The following SMAD3 variants were observed in gnomAD, a reference collection of about 807,000 sequenced individuals.
The protein encoded by SMAD3 is MAD homolog 3.
Under a neutral mutation model 51.8 loss-of-function variants are expected in SMAD3, and 12 were observed. That is an observed-to-expected ratio of 0.23 (90% CI 0.15 to 0.38). The LOEUF (loss-of-function observed/expected upper bound fraction) is 0.38, where lower values mean the gene tolerates loss of function less well. Ranked by LOEUF, SMAD3 falls within the 10% of genes least tolerant of loss-of-function variation. The pLI is 1.00. For synonymous variants in SMAD3, 238 were observed against 227.7 expected (o/e 1.05, Z -0.41); for missense variants, 294 against 565.6 (o/e 0.52, Z 4.87).
At chr15:67,119,803 AT>A (rs1303312814) in intron 1 of SMAD3, among the ~76,000 whole-genome samples, 2 of 150,134 alleles carry the variant, frequency 1.3e-5, no homozygotes, top group Non-Finnish European at 3.0e-5. Flanking sequence ...AAGACTTTGA[AT>A]TTTTTTTTTG....
chr15:67,103,055 G>C (rs1271839628), intron 1 of SMAD3, among the ~76,000 whole-genome samples: 1 of 152,066 alleles, frequency 6.6e-6, no homozygotes, highest in Admixed American at 6.6e-5. Context: ...TACGTGCTCA[G>C]TACACATTTT....
At chr15:67,181,976 G>A (rs755214309) in intron 6 of SMAD3, among the ~76,000 whole-genome samples, 10 of 152,134 alleles carry the variant, frequency 6.6e-5, no homozygotes, top group South Asian at 4.2e-4. Context: ...TAGTAGAGAC[G>A]GGGTTTCTCC....
chr15:67,096,948 G>T (rs1960627871), intron 1 of SMAD3, among the ~76,000 whole-genome samples: 1 of 152,218 alleles, frequency 6.6e-6, no homozygotes, highest in African/African-American at 2.4e-5. Context: ...CTTGTTGAAG[G>T]TGCTTTGGGG....
At chr15:67,182,806 T>TA (rs1424994357) in intron 6 of SMAD3, among the ~76,000 whole-genome samples, 2 of 151,332 alleles carry the variant, frequency 1.3e-5, no homozygotes, top group Admixed American at 6.6e-5. Flanking sequence ...TCAAAAAAGA[T>TA]ACTTATTCTG....
chr15:67,172,107 G>A (rs1962766915), intron 5 of SMAD3, among the ~76,000 whole-genome samples: 1 of 152,214 alleles, frequency 6.6e-6, no homozygotes, highest in Admixed American at 6.5e-5. Flanking sequence ...GTCATTTGCT[G>A]TGAACTTCCC....
chr15:67,113,231 C>T lies in SMAD3; in HGVS notation c.206+46871C>T, dbSNP rs535694924. Among the ~76,000 whole-genome samples the T allele has an allele frequency of 5.1e-3, 651 of 128,254 alleles. 165 individuals carry two copies. Among genetic ancestry groups the T allele is most frequent in the African/African-American group, 0.02 (625 of 31,958 alleles). 84.1% of individuals were successfully genotyped at this position (128,254 alleles called of 152,430 possible). A position where few individuals can be genotyped will look rare whatever the true frequency, so the allele number is the denominator to read the frequency against. ...CCTCCCGAGTAGCTGGGACTACAGG[C>T]GCCTGCCACCACGCCCGGCCAATTT... is the stretch of plus-strand genomic sequence containing the variant. On this transcript the variant is annotated intron_variant, in intron 1 of 8. Transcript: ENST00000327367.
chr15:67,117,740 C>G (rs1263003660), intron 1 of SMAD3, among the ~76,000 whole-genome samples: 4 of 152,196 alleles, frequency 2.6e-5, no homozygotes, highest in Non-Finnish European at 5.9e-5. Context: ...TTAATGATAA[C>G]ATAGAAGCAC....
chr15:67,165,426 C>T, intron 3 of SMAD3, 42 bp downstream of exon 3: 7 of 1,609,658 alleles, frequency 4.3e-6, no homozygotes, highest in Non-Finnish European at 5.9e-6. Flanking sequence ...GAGGCAGGGG[C>T]AGCGGTCAGC....
At chr15:67,134,571 T>C (rs1409282738) in intron 1 of SMAD3, among the ~76,000 whole-genome samples, 1 of 152,210 alleles carries the variant, frequency 6.6e-6, no homozygotes, top group East Asian at 1.9e-4. Flanking sequence ...ACAGCGACCC[T>C]ACCTCCAGCT....
intron 1 of SMAD3, among the ~76,000 whole-genome samples, chr15:67,144,782 G>C (rs894607632): frequency 6.6e-6 from 1 of 152,194 alleles, no homozygotes; most frequent in Non-Finnish European, 1.5e-5. Context: ...CCTGATGCAC[G>C]TTTCCAGTTT....
intron 1 of SMAD3, chr15:67,126,027 A>G: frequency 2.1e-6 from 2 of 963,500 alleles, no homozygotes; most frequent in Non-Finnish European, 2.5e-6. Context: ...GGTGTGGGGT[A>G]TTTGTCACTG....
In SMAD3 at chr15:67,090,482, C is replaced by T. The variant is rs145936536; in HGVS notation, c.206+24122C>T. On this transcript the variant is annotated intron_variant, in intron 1 of 8. Coordinates refer to ENST00000327367, the MANE Select transcript of SMAD3 (RefSeq NM_005902.4). ...AGCTGGGGGAAACTGAGCTCCTGAG[C>T]GGGGCAGTGACTTGCGCAAGTCATT... Among the ~76,000 whole-genome samples, 24 of 152,188 alleles carry T rather than the reference C, an allele frequency of 1.6e-4. No homozygotes were observed. The East Asian group carries it at 4.4e-3, about 28-fold the overall frequency.
chr15:67,117,132 G>T (rs1460941577), intron 1 of SMAD3, among the ~76,000 whole-genome samples: 1 of 152,078 alleles, frequency 6.6e-6, no homozygotes, highest in African/African-American at 2.4e-5. Flanking sequence ...TGAGATCTGG[G>T]GTCACGGCTG....
intron 1 of SMAD3, among the ~76,000 whole-genome samples, chr15:67,087,274 G>A (rs916975695): frequency 6.6e-6 from 1 of 152,092 alleles, no homozygotes; most frequent in Non-Finnish European, 1.5e-5. Context: ...TCATGTTCTT[G>A]CTCCCATGAA....
chr15:67,159,022 T>C (rs1049694118), intron 1 of SMAD3, among the ~76,000 whole-genome samples: 1 of 152,128 alleles, frequency 6.6e-6, no homozygotes, highest in Non-Finnish European at 1.5e-5. Flanking sequence ...ATACTGAGTG[T>C]TCTTACTAAT....
chr15:67,078,575 G>A (rs750374678), intron 1 of SMAD3, among the ~76,000 whole-genome samples: 30 of 152,208 alleles, frequency 2.0e-4, no homozygotes, highest in Non-Finnish European at 3.5e-4. Context: ...TGAGAGATTG[G>A]TTATTATTTA....
rs57749736 is a variant in SMAD3 at position 67,183,031 on chromosome 15, ATT to A, written c.871+1597_871+1598del. ...TATATATATATATATATATATATAT[ATT>A]TTTTTTTTTTTTTTTTTTGGAGCGG... On this transcript the variant is annotated intron_variant, in intron 6 of 8. Coordinates refer to ENST00000327367, the MANE Select transcript of SMAD3 (RefSeq NM_005902.4). Among the ~76,000 whole-genome samples the A allele has an allele frequency of 4.5e-3, 135 of 29,682 alleles. 2 individuals carry two copies. The highest frequency in any genetic ancestry group is 9.0e-3 in the South Asian group (4 of 446). The allele number at this position is 29,682 out of a possible 152,430, so 19.5% of individuals were successfully genotyped here.
chr15:67,185,011 T>C (rs1229463165), intron 7 of SMAD3, 147 bp downstream of exon 7: 2 of 1,054,810 alleles, frequency 1.9e-6, no homozygotes, highest in East Asian at 2.5e-5. Flanking sequence ...GTTTTCTCTA[T>C]GCCCACAGAT....
intron 1 of SMAD3, among the ~76,000 whole-genome samples, chr15:67,151,014 C>A (rs1441909879): frequency 4.6e-5 from 7 of 151,348 alleles, no homozygotes; most frequent in Admixed American, 2.6e-4. Context: ...CACCACCATG[C>A]CTGGCTAATT....
Sources: gnomAD v4.1 joint callset for allele counts (sites outside exome capture counted in the v4.1 genomes callset) on GRCh38, gnomAD v4.1.1 for gene constraint, MANE v1.5 for transcripts, NCBI Gene and HGNC (gene_info 2026-07-23, HGNC 2026-07-21) for gene names.